Variants in CCDC171 observed in about 807,000 individuals in gnomAD.
The protein encoded by CCDC171 is coiled-coil domain containing 171, also known as coiled-coil domain-containing protein 171.
In CCDC171, 177 loss-of-function variants were observed where a neutral mutation model predicts 168.2. The observed-to-expected ratio is 1.05, with a 90% confidence interval of 0.93 to 1.19. The LOEUF (loss-of-function observed/expected upper bound fraction) is 1.19, where lower values mean the gene tolerates loss of function less well. Among genes scored for constraint, CCDC171 ranks in the 50% most tolerant of loss-of-function variants. The probability of loss-of-function intolerance (pLI) is 0.00; values close to 1 mark genes in which losing one functional copy is unlikely to be tolerated. For missense variants in CCDC171, 1,991 were observed against 1,539.0 expected (o/e 1.29, Z -4.91); for synonymous variants, 687 against 540.8 (o/e 1.27, Z -3.75).
chr9:15,867,107 A>G lies in CCDC171; in HGVS notation c.3469-7425A>G, dbSNP rs115495006. On this transcript the variant is annotated intron_variant, in intron 23 of 25. Coordinates refer to ENST00000380701, the MANE Select transcript of CCDC171 (RefSeq NM_173550.4). ...TCTCTTGGAAAGAGGTGTGCTAACA[A>G]TGAATTTGCAGGTAATGTAATGACT... is the stretch of plus-strand genomic sequence containing the variant. 2.6e-3 allele frequency among the ~76,000 whole-genome samples: 392 copies of G among 152,164 alleles called. 2 individuals carry two copies. The highest frequency in any genetic ancestry group is 8.6e-3 in the African/African-American group (358 of 41,566).
rs549249588 is a variant in CCDC171, at chr9:15,950,414, C to G, written c.3754-21195C>G. 1.2e-4 allele frequency among the ~76,000 whole-genome samples: 19 copies of G among 152,266 alleles called. No individual in the cohort carries two copies. The South Asian group carries it at 3.5e-3, about 28-fold the overall frequency. On this transcript the variant is annotated intron_variant, in intron 25 of 25. Transcript: ENST00000380701. ...CCACAAGAGAAGCCCATCAGACTAA[C>G]AGCAGATGTCTTGGCAGAAACTCTA...
intron 23 of CCDC171, among the ~76,000 whole-genome samples, chr9:15,864,125 G>A (rs1415519429): frequency 6.6e-6 from 1 of 151,844 alleles, no homozygotes; most frequent in African/African-American, 2.4e-5. Context: ...TTAGCTTCTC[G>A]AGTTCTGAAA....
intron 25 of CCDC171, among the ~76,000 whole-genome samples, chr9:15,941,674 A>G (rs2132297838): frequency 6.6e-6 from 1 of 152,114 alleles, no homozygotes; most frequent in East Asian, 1.9e-4. Context: ...TTGAAAATCA[A>G]GTGCTACAAT....
intron 3 of CCDC171, among the ~76,000 whole-genome samples, chr9:15,998,369 G>A (rs116837322): frequency 0.023 from 3,507 of 152,164 alleles, 121 homozygotes; most frequent in African/African-American, 0.078. Flanking sequence ...TATGATCAGT[G>A]GATCCCACCT....
intron 21 of CCDC171, among the ~76,000 whole-genome samples, chr9:15,820,784 T>C (rs1283979956): frequency 8.5e-6 from 1 of 117,386 alleles, no homozygotes; most frequent in Non-Finnish European, 1.9e-5. Context: ...CCATTCCTTC[T>C]GAAACTATTA....
chr9:16,059,148 G>C (rs1022935271), intron 1 of CCDC171, among the ~76,000 whole-genome samples: 1 of 152,114 alleles, frequency 6.6e-6, no homozygotes, highest in Admixed American at 6.5e-5. Flanking sequence ...GGTCATTTTT[G>C]ATCTTATTAC....
intron 25 of CCDC171, among the ~76,000 whole-genome samples, chr9:15,943,216 C>T (rs539790973): frequency 1.3e-5 from 2 of 151,982 alleles, no homozygotes; most frequent in South Asian, 4.2e-4. Flanking sequence ...CGCATGGTGG[C>T]AGTGTGGTAT....
rs145186287 is a variant in CCDC171, at chr9:15,846,899, C to G, written c.3413+52C>G. The stretch of plus-strand genomic sequence containing the variant: ...ACTTAAAACAGACAAAAGATCAATT[C>G]TTACTTTCATGCTCCGGGTTTTAGC... On this transcript the variant is annotated intron_variant, in intron 22 of 25. Coordinates refer to ENST00000380701, the MANE Select transcript of CCDC171 (RefSeq NM_173550.4). 11,803 of 1,504,248 alleles carry G rather than the reference C, an allele frequency of 7.8e-3. 59 individuals carry two copies. Among genetic ancestry groups the G allele is most frequent in the Non-Finnish European group, 9.6e-3 (10,686 of 1,108,162 alleles). The allele number at this position is 1,504,248 out of a possible 1,614,324, so 93.2% of individuals were successfully genotyped here.
the CCDC171 span, among the ~76,000 whole-genome samples, chr9:16,095,867 C>A: frequency 1.9e-5 from 1 of 52,784 alleles, no homozygotes; most frequent in Non-Finnish European, 4.0e-5. Context: ...CACACATAGG[C>A]ACATATATAT....
intron 25 of CCDC171, among the ~76,000 whole-genome samples, chr9:15,945,124 G>A (rs1828192638): frequency 1.3e-5 from 2 of 149,418 alleles, no homozygotes; most frequent in Admixed American, 6.7e-5. Context: ...GTGAGAATAT[G>A]CGGTGTTTGG....
intron 6 of CCDC171, among the ~76,000 whole-genome samples, chr9:15,621,830 C>G (rs1313340976): frequency 6.6e-6 from 1 of 152,148 alleles, no homozygotes; most frequent in East Asian, 1.9e-4. Context: ...ACGTGGCATG[C>G]ATATGTTCAT....
At chr9:15,722,947 A>G (rs2053578319) in intron 12 of CCDC171, among the ~76,000 whole-genome samples, 1 of 152,202 alleles carries the variant, frequency 6.6e-6, no homozygotes, top group South Asian at 2.1e-4. Context: ...GTAACTAGGA[A>G]CATATTACCC....
intron 1 of CCDC171, among the ~76,000 whole-genome samples, chr9:16,057,575 C>G (rs1273501955): frequency 6.6e-6 from 1 of 152,210 alleles, no homozygotes; most frequent in Non-Finnish European, 1.5e-5. Context: ...CTGGTAGGAT[C>G]TGCACCTTTA....
intron 16 of CCDC171, among the ~76,000 whole-genome samples, chr9:15,734,284 C>T (rs1034589668): frequency 6.6e-6 from 1 of 152,116 alleles, no homozygotes; most frequent in African/African-American, 2.4e-5. Flanking sequence ...GCCTGTAATC[C>T]CAGCACTTTG....
intron 16 of CCDC171, among the ~76,000 whole-genome samples, chr9:15,730,923 T>A (rs1588176445): frequency 6.6e-6 from 1 of 152,052 alleles, no homozygotes; most frequent in East Asian, 1.9e-4. Flanking sequence ...TATAATTTGA[T>A]GTTTTTAAAA....
At position 15,599,226 on chromosome 9, in the gene CCDC171, G is replaced by T. The variant is rs149895602; in HGVS notation, c.675+5054G>T. Among the ~76,000 whole-genome samples the T allele has an allele frequency of 1.9e-3, 283 of 152,254 alleles. 2 individuals are homozygous for T. The highest frequency in any genetic ancestry group is 5.2e-3 in the African/African-American group (218 of 41,532). On this transcript the variant is annotated intron_variant, in intron 6 of 25. Transcript: ENST00000380701. ...CTGGTTATTTTGCTCATTAGTTGATGCAGTTTCTTCCTAGCCTTGATGGTC... is the reference window on the plus strand; with the variant it reads ...CTGGTTATTTTGCTCATTAGTTGATTCAGTTTCTTCCTAGCCTTGATGGTC...
At chr9:15,584,620 C>T (rs1003903046) in intron 4 of CCDC171, among the ~76,000 whole-genome samples, 10 of 152,086 alleles carry the variant, frequency 6.6e-5, no homozygotes, top group Admixed American at 6.5e-5. Context: ...GTCAGAGAGG[C>T]GACCTTTCTA....
chr9:16,097,424 A>G, the CCDC171 span, among the ~76,000 whole-genome samples: 2 of 152,220 alleles, frequency 1.3e-5, no homozygotes, highest in Non-Finnish European at 2.9e-5. Flanking sequence ...TTGTCAGAAC[A>G]GGTGTATTTT....
intron 1 of CCDC171, among the ~76,000 whole-genome samples, chr9:16,055,711 A>G (rs1376519014): frequency 2.0e-5 from 3 of 152,178 alleles, no homozygotes; most frequent in African/African-American, 7.2e-5. Context: ...ACATAGCCCT[A>G]AAGTAGTGGG....
Sources: allele counts gnomAD v4.1 joint callset (sites outside exome capture counted in the v4.1 genomes callset), GRCh38; gene constraint gnomAD v4.1.1; transcripts MANE v1.5; gene names NCBI Gene and HGNC (gene_info 2026-07-23, HGNC 2026-07-21).